RUBCNL: variants seen among roughly 807,000 people sequenced by gnomAD.
RUBCNL encodes the protein rubicon like autophagy enhancer, also known as protein associated with UVRAG as autophagy enhancer.
Under a neutral mutation model 69.5 loss-of-function variants are expected in RUBCNL, and 62 were observed. The ratio of observed to expected loss-of-function variants is 0.89; its 90% CI spans 0.73 to 1.10. RUBCNL has a LOEUF of 1.10. Among genes scored for constraint, RUBCNL ranks in the 50% least tolerant of loss-of-function variants. The probability of loss-of-function intolerance (pLI) is 0.00; values close to 1 mark genes in which losing one functional copy is unlikely to be tolerated. For synonymous variants in RUBCNL, 291 were observed against 303.6 expected (o/e 0.96, Z 0.43); for missense variants, 768 against 798.1 (o/e 0.96, Z 0.45).
At chr13:46,345,696 A>G in intron 12 of RUBCNL, 96 bp from the exon 13 acceptor site, 1 of 1,213,076 alleles carries the variant, frequency 8.2e-7, no homozygotes, top group Non-Finnish European at 1.1e-6. Flanking sequence ...CTCACACTTA[A>G]TTTTTTTTTA....
intron 5 of RUBCNL, among the ~76,000 whole-genome samples, chr13:46,365,088 A>T (rs1408993348): frequency 6.6e-6 from 1 of 152,038 alleles, no homozygotes; most frequent in African/African-American, 2.4e-5. Flanking sequence ...GGATCACCTG[A>T]GGTCAGGAGT....
chr13:46,389,087 G>T (rs1175759500), upstream of RUBCNL, among the ~76,000 whole-genome samples: 2 of 152,158 alleles, frequency 1.3e-5, no homozygotes, highest in Non-Finnish European at 2.9e-5. The surrounding 1 kb of genome is among the most constrained non-coding windows in gnomAD (Gnocchi z 4.2). Flanking sequence ...AAAAGGTGTG[G>T]GTGTGTGCTA....
intron 10 of RUBCNL, chr13:46,354,788 A>G (rs570666078): frequency 1.3e-5 from 6 of 456,598 alleles, no homozygotes; most frequent in Non-Finnish European, 2.6e-5. Context: ...ATCTTCCCTA[A>G]AAGATGATAA....
rs2048150091 is a variant in RUBCNL at position 46,342,090 on chromosome 13, T to C, written c.*1295A>G. ...GCTTAAATAATGGATGTGAGCACAG[T>C]TCTGGCAGAGGCACTGCGGATGAGA... On this transcript the variant is annotated 3_prime_UTR_variant, in exon 15 of 15. Coordinates refer to ENST00000429979, the MANE Select transcript of RUBCNL (RefSeq NM_025113.5). The C allele has an allele frequency of 6.6e-6, 1 of 152,236 alleles. No homozygotes were observed. The highest frequency in any genetic ancestry group is 1.5e-5 in the Non-Finnish European group (1 of 68,048). The allele number at this position is 152,236 out of a possible 1,614,324, so 9.4% of individuals were successfully genotyped here.
At position 46,361,341 on chromosome 13, in the gene RUBCNL, AGT is replaced by A; in HGVS notation, c.1119+98_1119+99del. The A allele has an allele frequency of 4.7e-6, 6 of 1,284,014 alleles. No individual in the cohort carries two copies. The South Asian group carries it at 8.5e-5, about 18-fold the overall frequency. 79.5% of individuals were successfully genotyped at this position (1,284,014 alleles called of 1,614,324 possible). A position where few individuals can be genotyped will look rare whatever the true frequency, so the allele number is the denominator to read the frequency against. On this transcript the variant is annotated intron_variant, in intron 8 of 14. Coordinates refer to ENST00000429979, the MANE Select transcript of RUBCNL (RefSeq NM_025113.5). The stretch of plus-strand genomic sequence containing the variant: ...TCATTTTGAGTCTCCCCTAATATCC[AGT>A]GACCATACAAGGAAAGACAAATGTT...
rs183828261 is a variant in RUBCNL at position 46,369,293 on chromosome 13, C to T, written c.536-478G>A. Among the ~76,000 whole-genome samples, 157 of 152,316 alleles carry T rather than the reference C, an allele frequency of 1.0e-3. 1 individual carries two copies. Among genetic ancestry groups the T allele is most frequent in the African/African-American group, 3.3e-3 (139 of 41,572 alleles). Reference sequence around the variant, plus strand: ...GCAGCGGCGTGATCACACTTTAGTGCGGCTTCAACCTCCTGGGCTCAAGCG... The same window carrying T: ...GCAGCGGCGTGATCACACTTTAGTGTGGCTTCAACCTCCTGGGCTCAAGCG... On this transcript the variant is annotated intron_variant, in intron 3 of 14. Transcript: ENST00000429979.
Position 46,368,121 on chromosome 13 carries a change from C to T in RUBCNL, c.747G>A (p.Gln249=). Residue 249 remains glutamine (Q), a synonymous_variant, in exon 5 of 15, where the codon CAG becomes CAA. Coordinates refer to ENST00000429979, the MANE Select transcript of RUBCNL (RefSeq NM_025113.5). ...TATCAAAAGTCATTTCAGAGTCAGG[C>T]TGATCACTCCCAAGTAACCCACTGA... ...KEVSGLLGSD[Q]PDSEMTFDTN... The T allele has an allele frequency of 6.2e-7, 1 of 1,614,014 alleles. No individual in the cohort carries two copies. The highest frequency in any genetic ancestry group is 8.5e-7 in the Non-Finnish European group (1 of 1,179,886).
chr13:46,370,886 G>T (rs2048861882), intron 3 of RUBCNL, among the ~76,000 whole-genome samples: 1 of 130,266 alleles, frequency 7.7e-6, no homozygotes. Context: ...TTAATCCTTA[G>T]AACTATCCAA....
chr13:46,350,909 G>C (rs1322641191), intron 10 of RUBCNL: 1 of 152,016 alleles, frequency 6.6e-6, no homozygotes, highest in African/African-American at 2.4e-5. Flanking sequence ...GTAATTCACG[G>C]AAAGAAGAAA....
chr13:46,379,569 T>C (rs2049074290), intron 1 of RUBCNL, among the ~76,000 whole-genome samples: 1 of 152,226 alleles, frequency 6.6e-6, no homozygotes, highest in African/African-American at 2.4e-5. Context: ...CAAGAATGGA[T>C]GTCACCCTTT....
Position 46,380,299 on chromosome 13 carries a change from G to T in RUBCNL, c.-238-2294C>A, listed in dbSNP as rs116019540. On this transcript the variant is annotated intron_variant, in intron 1 of 14. Coordinates refer to ENST00000429979, the MANE Select transcript of RUBCNL (RefSeq NM_025113.5). ...CCCAAATGACTAACTCCCTCTGGTCGCTGCATATGACGCCCTTCCCAGTCT... is the reference window on the plus strand; with the variant it reads ...CCCAAATGACTAACTCCCTCTGGTCTCTGCATATGACGCCCTTCCCAGTCT... Among the ~76,000 whole-genome samples, 1,211 of 152,308 alleles carry T rather than the reference G, an allele frequency of 8.0e-3. 23 individuals are homozygous for T. The highest frequency in any genetic ancestry group is 0.027 in the African/African-American group (1,140 of 41,566).
chr13:46,371,936 A>C lies in RUBCNL; in HGVS notation c.535+5T>G. The C allele has an allele frequency of 3.7e-6, 6 of 1,613,658 alleles. No homozygotes were observed. The highest frequency in any genetic ancestry group is 5.1e-6 in the Non-Finnish European group (6 of 1,179,668). On this transcript the variant is annotated splice_donor_5th_base_variant and intron_variant, in intron 3 of 14. Transcript: ENST00000429979. The stretch of plus-strand genomic sequence containing the variant: ...GGAATGAGGGAGGTCACCTACTAAA[A>C]TTACCTTCATCAGCAGCAGATGTCA...
rs1187289916 is a variant in RUBCNL at position 46,336,573 on chromosome 13, A to G, written c.*6812T>C. 6.6e-6 allele frequency among the ~76,000 whole-genome samples: 1 copy of G among 152,068 alleles called. No individual in the cohort carries two copies. The highest frequency in any genetic ancestry group is 1.5e-5 in the Non-Finnish European group (1 of 67,998). ...TTTCTTAGCTAGACTTTTTTATTTT[A>G]TTATATTTTATTATAAAACAGTATT... is the stretch of plus-strand genomic sequence containing the variant. On this transcript the variant is annotated 3_prime_UTR_variant, in exon 15 of 15. Transcript: ENST00000429979.
chr13:46,389,206 GA>G (rs201188378), upstream of RUBCNL, among the ~76,000 whole-genome samples: 1,548 of 152,292 alleles, frequency 0.01, 27 homozygotes, highest in African/African-American at 0.028. This position sits in a 1 kb window ranked among gnomAD's most constrained non-coding sequence, Gnocchi z 4.2. Context: ...TCGCAAGGGG[GA>G]AATCTATGAC....
intron 14 of RUBCNL, among the ~76,000 whole-genome samples, chr13:46,344,530 C>A (rs1310904812): frequency 1.3e-5 from 2 of 152,226 alleles, no homozygotes; most frequent in Non-Finnish European, 2.9e-5. Flanking sequence ...TCCTTTATCC[C>A]TGCCCCACCC....
In RUBCNL at chr13:46,377,953, T is replaced by C. The variant is rs376255749; in HGVS notation, c.-186A>G. 29 of 1,607,736 alleles carry C rather than the reference T, an allele frequency of 1.8e-5. No individual in the cohort carries two copies. Among genetic ancestry groups the C allele is most frequent in the Non-Finnish European group, 2.3e-5 (27 of 1,177,676 alleles). The stretch of plus-strand genomic sequence containing the variant: ...AGGAGAAAGTAATGATTGGAAACCA[T>C]CAAAGTCCATGCAGTAGTGACAGGA... On this transcript the variant is annotated 5_prime_UTR_variant, in exon 2 of 15. An upstream start codon of the reference 5' UTR is lost. Coordinates refer to ENST00000429979, the MANE Select transcript of RUBCNL (RefSeq NM_025113.5).
At chr13:46,384,141 C>T (rs1245283886) in intron 1 of RUBCNL, among the ~76,000 whole-genome samples, 1 of 152,190 alleles carries the variant, frequency 6.6e-6, no homozygotes, top group Non-Finnish European at 1.5e-5. Flanking sequence ...TTATATAAGT[C>T]ATGGGACGAA....
rs1328583126 is a variant in RUBCNL at position 46,340,366 on chromosome 13, T to C, written c.*3019A>G. On this transcript the variant is annotated 3_prime_UTR_variant, in exon 15 of 15. Coordinates refer to ENST00000429979, the MANE Select transcript of RUBCNL (RefSeq NM_025113.5). ...GTAACTTACCCAGAGATACAGAAAA[T>C]AAGGGGTATGACTCAGTTTGTAATC... Among the ~76,000 whole-genome samples the C allele has an allele frequency of 6.6e-6, 1 of 152,000 alleles. No individual in the cohort carries two copies. Among genetic ancestry groups the C allele is most frequent in the Non-Finnish European group, 1.5e-5 (1 of 67,982 alleles).
intron 1 of RUBCNL, among the ~76,000 whole-genome samples, chr13:46,379,160 T>G (rs745627643): frequency 1.3e-4 from 20 of 152,174 alleles, no homozygotes; most frequent in Admixed American, 2.0e-4. Context: ...CACTGTGACC[T>G]CTGCCTCCCA....
Sources: allele counts gnomAD v4.1 joint callset (sites outside exome capture counted in the v4.1 genomes callset), GRCh38; gene constraint gnomAD v4.1.1; non-coding constraint Gnocchi (gnomAD v3.1); transcripts MANE v1.5; gene names NCBI Gene and HGNC (gene_info 2026-07-23, HGNC 2026-07-21).